The following NDUFAF2 variants were observed in gnomAD, a reference collection of about 807,000 sequenced individuals.
The protein encoded by NDUFAF2 is NADH:ubiquinone oxidoreductase complex assembly factor 2, also known as NADH dehydrogenase [ubiquinone] 1 alpha subcomplex assembly factor 2.
Under a neutral mutation model 22.8 loss-of-function variants are expected in NDUFAF2, and 13 were observed. That is an observed-to-expected ratio of 0.57 (90% confidence interval 0.37 to 0.91). The LOEUF (loss-of-function observed/expected upper bound fraction) is 0.91. Ranked by LOEUF, NDUFAF2 falls within the 40% of genes least tolerant of loss-of-function variation. NDUFAF2 has a pLI of 0.01. For synonymous variants in NDUFAF2, 53 were observed against 64.2 expected (o/e 0.83, Z 0.84); for missense variants, 162 against 195.2 (o/e 0.83, Z 1.01).
chr5:61,131,651 A>C (rs1448352958), intron 3 of NDUFAF2, among the ~76,000 whole-genome samples: 3 of 152,194 alleles, frequency 2.0e-5, no homozygotes, highest in Non-Finnish European at 2.9e-5. Context: ...GCCATTATGA[A>C]GGATAATGTA....
At chr5:61,095,183 TG>T (rs1171367853) in intron 2 of NDUFAF2, among the ~76,000 whole-genome samples, 2 of 152,128 alleles carry the variant, frequency 1.3e-5, no homozygotes, top group Non-Finnish European at 2.9e-5. Flanking sequence ...GAGGCCCCAG[TG>T]GGGAGCTCCT....
intron 3 of NDUFAF2, chr5:61,116,615 C>A (rs908087370): frequency 6.6e-6 from 1 of 152,148 alleles, no homozygotes; most frequent in Non-Finnish European, 1.5e-5. Context: ...TCTGACAGTT[C>A]TAGTCTAGAA....
At chr5:61,046,977 A>AGTG (rs1751961374) in intron 1 of NDUFAF2, among the ~76,000 whole-genome samples, 1 of 152,110 alleles carries the variant, frequency 6.6e-6, no homozygotes, top group Admixed American at 6.6e-5. Context: ...CTTTGATCCT[A>AGTG]AAATCACTAC....
At chr5:61,128,107 T>C (rs938520502) in intron 3 of NDUFAF2, among the ~76,000 whole-genome samples, 3 of 152,168 alleles carry the variant, frequency 2.0e-5, no homozygotes, top group Non-Finnish European at 4.4e-5. Context: ...GAAGGACCTC[T>C]TCAAGGAGAA....
chr5:61,098,978 A>G lies in NDUFAF2; in HGVS notation c.218-14A>G, dbSNP rs1752675323. ...TATGGGAAACTGACATTTAAATATTATTTTTCTTTCTAGCTTGGATTAGAA... is the reference window on the plus strand; with the variant it reads ...TATGGGAAACTGACATTTAAATATTGTTTTTCTTTCTAGCTTGGATTAGAA... On this transcript the variant is annotated splice_polypyrimidine_tract_variant and intron_variant, in intron 2 of 3. Coordinates refer to ENST00000296597, the MANE Select transcript of NDUFAF2 (RefSeq NM_174889.5). The G allele has an allele frequency of 1.3e-6, 2 of 1,593,266 alleles. No homozygotes were observed. The highest frequency in any genetic ancestry group is 1.3e-5 in the African/African-American group (1 of 74,340).
intron 1 of NDUFAF2, among the ~76,000 whole-genome samples, chr5:60,984,754 A>G (rs1283488837): frequency 1.3e-5 from 2 of 152,168 alleles, no homozygotes; most frequent in Non-Finnish European, 2.9e-5. Context: ...CCACTTGATC[A>G]TGGTGGATAA....
At chr5:60,987,340 C>T (rs1206126606) in intron 1 of NDUFAF2, among the ~76,000 whole-genome samples, 1 of 152,154 alleles carries the variant, frequency 6.6e-6, no homozygotes, top group Non-Finnish European at 1.5e-5. Flanking sequence ...TGGCTGAATT[C>T]CACCAGATGT....
intron 1 of NDUFAF2, among the ~76,000 whole-genome samples, chr5:61,007,784 C>G (rs1037097512): frequency 6.6e-6 from 1 of 152,146 alleles, no homozygotes; most frequent in African/African-American, 2.4e-5. Flanking sequence ...CCATTTGACC[C>G]AGTCATCCCA....
In NDUFAF2 at chr5:61,136,417, G is replaced by C. The variant is rs114929675; in HGVS notation, c.259-16287G>C. On this transcript the variant is annotated intron_variant, in intron 3 of 3. Coordinates refer to ENST00000296597, the MANE Select transcript of NDUFAF2 (RefSeq NM_174889.5). ...AAGTGTTTCCTCTCTCTCCAGTACA[G>C]TCTGCATCTGCCTCCATAACCTCCT... 7.6e-3 allele frequency among the ~76,000 whole-genome samples: 1,163 copies of C among 152,166 alleles called. 15 individuals are homozygous for C. Among genetic ancestry groups the C allele is most frequent in the African/African-American group, 0.026 (1,100 of 41,516 alleles).
intron 1 of NDUFAF2, among the ~76,000 whole-genome samples, chr5:61,020,897 T>C (rs1271914124): frequency 6.6e-6 from 1 of 151,964 alleles, no homozygotes; most frequent in Non-Finnish European, 1.5e-5. Flanking sequence ...GGTTTCATCA[T>C]GTTGGTCAGG....
At chr5:61,031,115 GGGCGGTAGGCTCT>G (rs753257965) in intron 1 of NDUFAF2, among the ~76,000 whole-genome samples, 2 of 152,040 alleles carry the variant, frequency 1.3e-5, no homozygotes, top group Non-Finnish European at 2.9e-5. Flanking sequence ...TTATTGATAT[GGGCGGTAGGCTCT>G]TTACTCTTAG....
At chr5:61,046,820 T>C (rs1336927981) in intron 1 of NDUFAF2, among the ~76,000 whole-genome samples, 3 of 152,190 alleles carry the variant, frequency 2.0e-5, no homozygotes, top group African/African-American at 7.2e-5. Flanking sequence ...TGATATTCTC[T>C]ACTGTTTTGC....
chr5:61,122,163 G>A (rs1752984232), intron 3 of NDUFAF2, among the ~76,000 whole-genome samples: 1 of 152,028 alleles, frequency 6.6e-6, no homozygotes. Flanking sequence ...ACTCTTTCCT[G>A]GGTCTCCAGC....
chr5:61,017,076 G>A (rs996058435), intron 1 of NDUFAF2, among the ~76,000 whole-genome samples: 2 of 152,168 alleles, frequency 1.3e-5, no homozygotes, highest in African/African-American at 4.8e-5. Flanking sequence ...CAAATCAAAA[G>A]CATATTCCTT....
intron 1 of NDUFAF2, among the ~76,000 whole-genome samples, chr5:61,054,928 T>C (rs1752069321): frequency 6.6e-6 from 1 of 152,182 alleles, no homozygotes; most frequent in Admixed American, 6.5e-5. Context: ...GAGATAAAGT[T>C]AAAATAATGA....
chr5:61,066,026 CA>C (rs576561550), intron 1 of NDUFAF2, among the ~76,000 whole-genome samples: 16 of 151,238 alleles, frequency 1.1e-4, no homozygotes, highest in African/African-American at 3.4e-4. Flanking sequence ...AATTAGCATA[CA>C]AAAAAAATCA....
intron 1 of NDUFAF2, among the ~76,000 whole-genome samples, chr5:60,961,519 C>T (rs374117451): frequency 4.2e-4 from 63 of 148,702 alleles, no homozygotes; most frequent in African/African-American, 1.3e-3. Flanking sequence ...GGCGTGAACA[C>T]GGGAGGCGGA....
At chr5:60,998,020 T>G (rs1055339347) in intron 1 of NDUFAF2, among the ~76,000 whole-genome samples, 6 of 152,166 alleles carry the variant, frequency 3.9e-5, no homozygotes, top group African/African-American at 1.2e-4. Context: ...TAGAAAATAG[T>G]CAAAATTTTA....
intron 3 of NDUFAF2, among the ~76,000 whole-genome samples, chr5:61,122,606 C>G (rs1296517257): frequency 1.3e-5 from 2 of 152,118 alleles, no homozygotes; most frequent in African/African-American, 4.8e-5. Flanking sequence ...ATGTTTTTGT[C>G]TCCCCATTTG....
Sources: gnomAD v4.1 joint callset for allele counts (sites outside exome capture counted in the v4.1 genomes callset) on GRCh38, gnomAD v4.1.1 for gene constraint, MANE v1.5 for transcripts, NCBI Gene and HGNC (gene_info 2026-07-23, HGNC 2026-07-21) for gene names.